Variants in CHRNB2 observed in about 807,000 individuals in gnomAD.
CHRNB2 encodes neuronal acetylcholine receptor subunit beta-2.
Under a neutral mutation model 42.7 loss-of-function variants are expected in CHRNB2, and 33 were observed. The ratio of observed to expected loss-of-function variants is 0.77; its 90% CI spans 0.59 to 1.03. The LOEUF (loss-of-function observed/expected upper bound fraction) is 1.03, where lower values mean the gene tolerates loss of function less well. CHRNB2 is among the 50% of genes least tolerant of loss of function. The pLI is 0.00. For missense variants in CHRNB2, 603 were observed against 700.9 expected, an observed-to-expected ratio of 0.86 and a Z score of 1.58; for synonymous variants, 325 against 292.9, an observed-to-expected ratio of 1.11 and a Z score of -1.12.
chr1:154,568,870 G>C (rs1031034897), intron 1 of CHRNB2, among the ~76,000 whole-genome samples: 2 of 151,976 alleles, frequency 1.3e-5, no homozygotes, highest in Admixed American at 6.5e-5. Flanking sequence ...AGGCAGCCCA[G>C]CTATTCCACT....
At position 154,567,825 on chromosome 1, in the gene CHRNB2, C is replaced by T. The variant is rs1571018659; in HGVS notation, c.-220C>T. On this transcript the variant is annotated 5_prime_UTR_variant, in exon 1 of 6. Transcript: ENST00000368476. Reference sequence around the variant, plus strand: ...CAATTGTATTCCCTGGAAGAGCAGCCGGAAAAGCCTCCGCCTGCTCATACC... The same window carrying T: ...CAATTGTATTCCCTGGAAGAGCAGCTGGAAAAGCCTCCGCCTGCTCATACC... 2.2e-6 allele frequency: 1 copy of T among 449,862 alleles called. No homozygotes were observed. The highest frequency in any genetic ancestry group is 3.9e-6 in the Non-Finnish European group (1 of 258,292). 27.9% of individuals were successfully genotyped at this position (449,862 alleles called of 1,614,324 possible).
At chr1:154,568,720 G>A (rs1696107290) in intron 1 of CHRNB2, among the ~76,000 whole-genome samples, 2 of 151,988 alleles carry the variant, frequency 1.3e-5, no homozygotes, top group African/African-American at 2.4e-5. Context: ...AGTTGCAGAG[G>A]GGGATGCAGT....
chr1:154,570,133 C>A, intron 3 of CHRNB2, 125 bp from the exon 4 acceptor site: 1 of 750,198 alleles, frequency 1.3e-6, no homozygotes. Context: ...AGAGAAGTCA[C>A]TGTGGGGAAG....
intron 1 of CHRNB2, among the ~76,000 whole-genome samples, chr1:154,568,918 C>G (rs1014170440): frequency 6.6e-6 from 1 of 151,872 alleles, no homozygotes; most frequent in Non-Finnish European, 1.5e-5. Flanking sequence ...AGGATGGCAT[C>G]GTGACCACAG....
At position 154,576,114 on chromosome 1, in the gene CHRNB2, G is replaced by C; in HGVS notation, c.*182G>C. 1 of 713,404 alleles carries C rather than the reference G, an allele frequency of 1.4e-6. No individual in the cohort carries two copies. Among genetic ancestry groups the C allele is most frequent in the Non-Finnish European group, 2.4e-6 (1 of 415,104 alleles). The allele number at this position is 713,404 out of a possible 1,614,324, so 44.2% of individuals were successfully genotyped here. Reference sequence around the variant, plus strand: ...ATCCACACACAGCAGCTCCAACCTGGAGGCTGGACCAACTGCTTTGTTTTG... The same window carrying C: ...ATCCACACACAGCAGCTCCAACCTGCAGGCTGGACCAACTGCTTTGTTTTG... On this transcript the variant is annotated 3_prime_UTR_variant, in exon 6 of 6. Coordinates refer to ENST00000368476, the MANE Select transcript of CHRNB2 (RefSeq NM_000748.3).
chr1:154,572,289 A>G, intron 5 of CHRNB2, 128 bp downstream of exon 5: 1 of 1,492,188 alleles, frequency 6.7e-7, no homozygotes, highest in South Asian at 1.3e-5. Flanking sequence ...AATGTGAGTC[A>G]GGCCTGTGTT....
At position 154,570,266 on chromosome 1, in the gene CHRNB2, A is replaced by G. The variant is rs200792295; in HGVS notation, c.264A>G (p.Glu88=). The G allele has an allele frequency of 2.5e-6, 4 of 1,609,356 alleles. No homozygotes were observed. The South Asian group carries it at 3.3e-5, about 13-fold the overall frequency. ...TTNVWLTQEW[E]DYRLTWKPEE... is the part of the protein sequence containing the mutation. The stretch of plus-strand genomic sequence containing the variant: ...CCTCTCTCATTTCCCAGGAGTGGGA[A>G]GATTATCGCCTCACCTGGAAGCCTG... The change falls in exon 4 of 6, where the codon GAA becomes GAG. Residue 88 remains glutamate, a synonymous_variant. Coordinates refer to ENST00000368476, the MANE Select transcript of CHRNB2 (RefSeq NM_000748.3).
In CHRNB2 at chr1:154,571,472, G is replaced by T. The variant is rs776225559; in HGVS notation, c.649G>T (p.Asp217Tyr). The T allele has an allele frequency of 6.2e-7, 1 of 1,614,044 alleles. No homozygotes were observed. Among genetic ancestry groups the T allele is most frequent in the East Asian group, 2.2e-5 (1 of 44,876 alleles). Residue 217 changes from aspartate to tyrosine, a missense_variant, in exon 5 of 6, where the codon GAC (aspartate) becomes TAC (tyrosine). Physicochemically the swap from Asp to Tyr is radical, Grantham distance 160 (BLOSUM62 -3). Around this residue, in one of 2 missense-constraint regions of CHRNB2, gnomAD observed 333 missense variants for 452.6 expected, o/e 0.74. Coordinates refer to ENST00000368476, the MANE Select transcript of CHRNB2 (RefSeq NM_000748.3). This position sits in a 1 kb window ranked among gnomAD's most constrained non-coding sequence, Gnocchi z 6.8. The part of the protein sequence containing the change: ...ALPGRRNENP[D>Y]DSTYVDITYD... ...GCCGGGCCGGCGCAACGAGAACCCC[G>T]ACGACTCTACGTACGTGGACATCAC... is the stretch of plus-strand genomic sequence containing the variant.
chr1:154,574,960 C>A (rs943020846), intron 5 of CHRNB2, among the ~76,000 whole-genome samples: 14 of 152,198 alleles, frequency 9.2e-5, no homozygotes. Flanking sequence ...AGATGCTGGC[C>A]GTTTGTGCAA....
At chr1:154,574,174 T>G (rs1307031749) in intron 5 of CHRNB2, among the ~76,000 whole-genome samples, 1 of 152,206 alleles carries the variant, frequency 6.6e-6, no homozygotes, top group African/African-American at 2.4e-5. Flanking sequence ...TAACTTTCAC[T>G]CTACTATTTG....
At chr1:154,574,150 AT>A (rs1696227310) in intron 5 of CHRNB2, among the ~76,000 whole-genome samples, 1 of 152,184 alleles carries the variant, frequency 6.6e-6, no homozygotes. Flanking sequence ...TTAAAAAAAA[AT>A]CATTACAATT....
At chr1:154,569,895 C>T in intron 3 of CHRNB2, 59 bp downstream of exon 3, 1 of 1,593,658 alleles carries the variant, frequency 6.3e-7, no homozygotes, top group Non-Finnish European at 8.6e-7. Context: ...TCCTTTTTCC[C>T]CATGTGCTTT....
intron 5 of CHRNB2, among the ~76,000 whole-genome samples, chr1:154,575,121 CCACTTAACT>C (rs1343426215): frequency 6.6e-6 from 1 of 152,224 alleles, no homozygotes; most frequent in Admixed American, 6.5e-5. Context: ...GCTGAGGCAG[CCACTTAACT>C]CACTAAAGCA....
At position 154,571,207 on chromosome 1, in the gene CHRNB2, G is replaced by A. The variant is rs1437555239; in HGVS notation, c.384G>A (p.Glu128=). ...TTGGCAGTGCTGACGGCATGTACGA[G>A]GTGTCCTTCTATTCCAATGCCGTGG... ...VLYNNADGMY[E]VSFYSNAVVS... Residue 128 remains glutamate (E), a synonymous_variant, in exon 5 of 6, where the codon GAG becomes GAA. Coordinates refer to ENST00000368476, the MANE Select transcript of CHRNB2 (RefSeq NM_000748.3). The surrounding 1 kb of genome is among the most constrained non-coding windows in gnomAD (Gnocchi z 6.8). The A allele has an allele frequency of 6.2e-7, 1 of 1,614,172 alleles. No homozygotes were observed. Among genetic ancestry groups the A allele is most frequent in the Non-Finnish European group, 8.5e-7 (1 of 1,180,040 alleles).
At chr1:154,573,772 G>A (rs938798896) in intron 5 of CHRNB2, among the ~76,000 whole-genome samples, 2 of 152,072 alleles carry the variant, frequency 1.3e-5, no homozygotes, top group African/African-American at 4.8e-5. Flanking sequence ...TTTTTGATAT[G>A]TGTTTCGCTT....
intron 5 of CHRNB2, among the ~76,000 whole-genome samples, chr1:154,575,161 C>CT (rs1282960696): frequency 6.6e-6 from 1 of 152,226 alleles, no homozygotes; most frequent in African/African-American, 2.4e-5. Flanking sequence ...ACTTAACACT[C>CT]TTGTGTTCCA....
In CHRNB2 at chr1:154,576,081, A is replaced by T; in HGVS notation, c.*149A>T. 1 of 969,076 alleles carries T rather than the reference A, an allele frequency of 1.0e-6. No homozygotes were observed. Among genetic ancestry groups the T allele is most frequent in the Non-Finnish European group, 1.6e-6 (1 of 628,050 alleles). 60.0% of individuals were successfully genotyped at this position (969,076 alleles called of 1,614,324 possible). ...CTTCATCTGGAGTCCCTCCTCCCCCACGCCTCCATCCACACACAGCAGCTC... is the reference window on the plus strand; with the variant it reads ...CTTCATCTGGAGTCCCTCCTCCCCCTCGCCTCCATCCACACACAGCAGCTC... On this transcript the variant is annotated 3_prime_UTR_variant, in exon 6 of 6. Transcript: ENST00000368476.
intron 5 of CHRNB2, among the ~76,000 whole-genome samples, chr1:154,575,000 C>G (rs141498007): frequency 6.6e-6 from 1 of 152,338 alleles, no homozygotes; most frequent in East Asian, 1.9e-4. Context: ...AACCCACAGA[C>G]AGCATTATCT....
chr1:154,568,179 C>A, intron 1 of CHRNB2, 71 bp downstream of exon 1: 1 of 1,504,278 alleles, frequency 6.6e-7, no homozygotes, highest in Non-Finnish European at 9.1e-7. Context: ...CGCCCTCTGA[C>A]TCACCCCTGC....
Sources: allele counts gnomAD v4.1 joint callset (sites outside exome capture counted in the v4.1 genomes callset), GRCh38; gene constraint gnomAD v4.1.1; regional missense constraint gnomAD v4.1.1; non-coding constraint Gnocchi (gnomAD v3.1); transcripts MANE v1.5; gene names NCBI Gene and HGNC (gene_info 2026-07-23, HGNC 2026-07-21).